CNBD1: variants seen among roughly 807,000 people sequenced by gnomAD.
The protein encoded by CNBD1 is cyclic nucleotide-binding domain-containing protein 1.
In CNBD1, 71 loss-of-function variants were observed where a neutral mutation model predicts 54.4. That is an observed-to-expected ratio of 1.30 (90% CI 1.08 to 1.59). The LOEUF (loss-of-function observed/expected upper bound fraction) is 1.59, where lower values mean the gene tolerates loss of function less well. Among genes scored for constraint, CNBD1 ranks in the 40% most tolerant of loss-of-function variants. The probability of loss-of-function intolerance (pLI) is 0.00; values close to 1 mark genes in which losing one functional copy is unlikely to be tolerated. For missense variants in CNBD1, 659 were observed against 518.0 expected, an observed-to-expected ratio of 1.27 and a Z score of -2.64; for synonymous variants, 182 against 170.7, an observed-to-expected ratio of 1.07 and a Z score of -0.51.
At chr8:87,333,439 C>A (rs889016206) in intron 8 of CNBD1, among the ~76,000 whole-genome samples, 1 of 152,188 alleles carries the variant, frequency 6.6e-6, no homozygotes, top group African/African-American at 2.4e-5. Flanking sequence ...GAGAGGGCAT[C>A]CCTGTCTTGT....
intron 8 of CNBD1, among the ~76,000 whole-genome samples, chr8:87,324,022 A>T (rs1441622951): frequency 7.8e-6 from 1 of 127,546 alleles, no homozygotes; most frequent in Non-Finnish European, 1.7e-5. Context: ...AGGGTTGTTG[A>T]ATTTTGTCAA....
At chr8:86,942,542 T>C (rs565971131) in intron 4 of CNBD1, among the ~76,000 whole-genome samples, 1 of 152,316 alleles carries the variant, frequency 6.6e-6, no homozygotes, top group African/African-American at 2.4e-5. Flanking sequence ...CTCTTTCTAC[T>C]AGAGACTCCC....
At chr8:87,400,009 CA>C (rs1265604278) in intron 2 of CNBD1, among the ~76,000 whole-genome samples, 1 of 151,814 alleles carries the variant, frequency 6.6e-6, no homozygotes, top group Non-Finnish European at 1.5e-5. Flanking sequence ...TGGAACCCCC[CA>C]AATACATGTT....
chr8:87,367,535 TA>T (rs145696184), intron 10 of CNBD1, among the ~76,000 whole-genome samples: 1,891 of 152,142 alleles, frequency 0.012, 46 homozygotes, highest in African/African-American at 0.043. Context: ...CCACATCTAT[TA>T]AAAAAATTGG....
chr8:87,077,394 C>G (rs895946066), intron 4 of CNBD1, among the ~76,000 whole-genome samples: 1 of 148,604 alleles, frequency 6.7e-6, no homozygotes, highest in Non-Finnish European at 1.5e-5. Context: ...AGCTCTTAGG[C>G]CTCTTCTTCT....
At chr8:87,285,011 CAATG>C (rs1808665726) in intron 7 of CNBD1, among the ~76,000 whole-genome samples, 196 bp downstream of exon 7, 1 of 151,966 alleles carries the variant, frequency 6.6e-6, no homozygotes, top group Non-Finnish European at 1.5e-5. Context: ...ACAAAGGTCT[CAATG>C]AATATATTTC....
chr8:87,408,389 A>T (rs1257767052), intron 2 of CNBD1, among the ~76,000 whole-genome samples: 1 of 150,208 alleles, frequency 6.7e-6, no homozygotes, highest in Admixed American at 6.6e-5. Flanking sequence ...TTTTAGATAC[A>T]TATATGTGTG....
chr8:87,230,960 A>G (rs779966209), intron 5 of CNBD1, among the ~76,000 whole-genome samples: 23 of 152,178 alleles, frequency 1.5e-4, no homozygotes, highest in Non-Finnish European at 2.1e-4. Flanking sequence ...CTTTCTTTAT[A>G]AGTATTTAAA....
At chr8:87,061,994 A>G (rs1810557688) in intron 4 of CNBD1, among the ~76,000 whole-genome samples, 1 of 152,166 alleles carries the variant, frequency 6.6e-6, no homozygotes, top group African/African-American at 2.4e-5. Context: ...CTGAGTGCAG[A>G]TAGTTGTCCA....
chr8:86,972,620 A>G (rs1431380345), intron 4 of CNBD1, among the ~76,000 whole-genome samples: 1 of 152,006 alleles, frequency 6.6e-6, no homozygotes, highest in Non-Finnish European at 1.5e-5. Flanking sequence ...ATACACAGAC[A>G]CACACACACA....
intron 4 of CNBD1, among the ~76,000 whole-genome samples, chr8:87,122,806 T>C (rs942093890): frequency 2.0e-5 from 3 of 151,908 alleles, no homozygotes; most frequent in Non-Finnish European, 4.4e-5. Context: ...GAGCATAATC[T>C]GAAGACAGTG....
Position 87,353,721 on chromosome 8 carries a change from T to G in CNBD1, c.1238T>G (p.Phe413Cys). Residue 413 changes from phenylalanine (F) to cysteine (C), a missense_variant, in exon 10 of 11, where the codon TTC becomes TGC. Physicochemically the swap from Phe to Cys is radical, Grantham distance 205. Coordinates refer to ENST00000518476, the MANE Select transcript of CNBD1 (RefSeq NM_173538.3). The part of the protein sequence containing the change: ...GEISVLLQVP[F>C]TCTIITKKEV... ...ATTAGCGTCCTTCTTCAAGTTCCTTTCACGTGCACAATCATTACCAAAAAA... is the reference window on the plus strand; with the variant it reads ...ATTAGCGTCCTTCTTCAAGTTCCTTGCACGTGCACAATCATTACCAAAAAA... The G allele has an allele frequency of 1.2e-6, 2 of 1,612,052 alleles. No individual in the cohort carries two copies. The highest frequency in any genetic ancestry group is 2.7e-5 in the African/African-American group (2 of 75,008).
intron 4 of CNBD1, among the ~76,000 whole-genome samples, chr8:87,184,076 A>G (rs1018032216): frequency 9.2e-5 from 14 of 152,294 alleles, no homozygotes; most frequent in Non-Finnish European, 4.4e-5. Flanking sequence ...ATTGTGGCCA[A>G]TGGGGTGACA....
At chr8:87,010,855 T>C (rs1053247822) in intron 4 of CNBD1, among the ~76,000 whole-genome samples, 1 of 152,224 alleles carries the variant, frequency 6.6e-6, no homozygotes, top group African/African-American at 2.4e-5. Flanking sequence ...AAACTTCCAA[T>C]GTCTGATTTC....
At chr8:87,324,580 T>C (rs1368000379) in intron 8 of CNBD1, among the ~76,000 whole-genome samples, 1 of 145,784 alleles carries the variant, frequency 6.9e-6, no homozygotes, top group Non-Finnish European at 1.5e-5. Flanking sequence ...GATTTTCTAG[T>C]TTATTTGCGT....
At chr8:87,363,970 T>G (rs1272164732) in intron 10 of CNBD1, among the ~76,000 whole-genome samples, 5 of 56,534 alleles carry the variant, frequency 8.8e-5, no homozygotes, top group South Asian at 7.3e-4. Context: ...AAATTTTGGT[T>G]TTTTTTTTTT....
chr8:87,337,174 G>A (rs1199761056), intron 8 of CNBD1, among the ~76,000 whole-genome samples: 1 of 152,162 alleles, frequency 6.6e-6, no homozygotes, highest in Non-Finnish European at 1.5e-5. Flanking sequence ...ATCTTACCCA[G>A]CTTGGTGGGA....
At chr8:86,877,614 A>G (rs934311610) in intron 1 of CNBD1, among the ~76,000 whole-genome samples, 1 of 152,178 alleles carries the variant, frequency 6.6e-6, no homozygotes, top group African/African-American at 2.4e-5. Flanking sequence ...GAAATATGGT[A>G]ACAATTAGCT....
At position 87,092,344 on chromosome 8, in the gene CNBD1, A is replaced by AGTGT. The variant is rs113453662; in HGVS notation, c.432-113628_432-113625dup. On this transcript the variant is annotated intron_variant, in intron 4 of 10. Coordinates refer to ENST00000518476, the MANE Select transcript of CNBD1 (RefSeq NM_173538.3). ...CCCAGGGATTCCATAATACTGGCTCAGTGTGTGTGTGTGTGTGTGTGTGTA... is the reference window on the plus strand; with the variant it reads ...CCCAGGGATTCCATAATACTGGCTCAGTGTGTGTGTGTGTGTGTGTGTGTGTGTA... 9.2e-3 allele frequency among the ~76,000 whole-genome samples: 1,319 copies of AGTGT among 143,194 alleles called. 27 individuals are homozygous for AGTGT. The highest frequency in any genetic ancestry group is 0.032 in the African/African-American group (1,237 of 38,878). The allele number at this position is 143,194 out of a possible 152,430, so 93.9% of individuals were successfully genotyped here.
Sources: allele counts gnomAD v4.1 joint callset (sites outside exome capture counted in the v4.1 genomes callset), GRCh38; gene constraint gnomAD v4.1.1; transcripts MANE v1.5; gene names NCBI Gene and HGNC (gene_info 2026-07-23, HGNC 2026-07-21).